Variants in CLNK observed in about 807,000 individuals in gnomAD.
CLNK encodes cytokine-dependent hematopoietic cell linker.
Under a neutral mutation model 68.6 loss-of-function variants are expected in CLNK, and 74 were observed. The observed-to-expected ratio is 1.08, with a 90% CI of 0.89 to 1.31. CLNK has a LOEUF of 1.31. Ranked by LOEUF, CLNK falls within the 50% of genes most tolerant of loss-of-function variation. The pLI is 0.00. For synonymous variants in CLNK, 198 were observed against 172.2 expected, an observed-to-expected ratio of 1.15 and a Z score of -1.17; for missense variants, 553 against 515.3, an observed-to-expected ratio of 1.07 and a Z score of -0.71.
chr4:10,597,403 C>A (rs528560114), intron 3 of CLNK, among the ~76,000 whole-genome samples: 22 of 152,276 alleles, frequency 1.4e-4, no homozygotes, highest in African/African-American at 4.8e-4. Flanking sequence ...GTAATTCGAT[C>A]AAGTTAGCAC....
the CLNK span, among the ~76,000 whole-genome samples, chr4:10,699,147 A>G: frequency 2.1e-5 from 3 of 142,688 alleles, no homozygotes; most frequent in East Asian, 6.5e-4. Flanking sequence ...CTCAGCCTCC[A>G]TGATCGTATG....
At chr4:10,643,905 C>G (rs1723412193) in intron 2 of CLNK, among the ~76,000 whole-genome samples, 1 of 152,200 alleles carries the variant, frequency 6.6e-6, no homozygotes, top group Non-Finnish European at 1.5e-5. Flanking sequence ...AATTCCTTTT[C>G]TCTATTGTGA....
At chr4:10,672,543 T>C (rs762059136) in intron 1 of CLNK, among the ~76,000 whole-genome samples, 2 of 152,184 alleles carry the variant, frequency 1.3e-5, no homozygotes, top group Non-Finnish European at 2.9e-5. Context: ...TTTAAGTGCC[T>C]TAAAGTGGCA....
At chr4:10,596,679 T>C (rs908183875) in intron 3 of CLNK, among the ~76,000 whole-genome samples, 11 of 152,344 alleles carry the variant, frequency 7.2e-5, no homozygotes, top group Admixed American at 6.5e-4. Flanking sequence ...TCTATGTTTT[T>C]TTTTAAATTT....
intron 1 of CLNK, among the ~76,000 whole-genome samples, chr4:10,681,500 T>C (rs1039413335): frequency 6.6e-6 from 1 of 152,228 alleles, no homozygotes; most frequent in Non-Finnish European, 1.5e-5. Flanking sequence ...TCATGTTGTA[T>C]CTAGACCTTT....
At chr4:10,670,972 T>C (rs115369955) in intron 1 of CLNK, among the ~76,000 whole-genome samples, 209 of 152,350 alleles carry the variant, frequency 1.4e-3, no homozygotes, top group Non-Finnish European at 2.1e-3. Flanking sequence ...ATTAGACTTG[T>C]ATTTTGAAAT....
At chr4:10,523,349 A>G (rs575539856) in intron 14 of CLNK, among the ~76,000 whole-genome samples, 22 of 152,272 alleles carry the variant, frequency 1.4e-4, no homozygotes, top group Admixed American at 2.6e-4. Flanking sequence ...CATTAGATAC[A>G]CAGGTCTGGA....
intron 16 of CLNK, among the ~76,000 whole-genome samples, chr4:10,509,887 T>A (rs1717495597): frequency 6.6e-6 from 1 of 151,934 alleles, no homozygotes; most frequent in African/African-American, 2.4e-5. Flanking sequence ...GCTGAAAAGG[T>A]CCATGGCAGA....
intron 3 of CLNK, among the ~76,000 whole-genome samples, chr4:10,585,717 TG>T (rs1230039494): frequency 6.6e-6 from 1 of 152,222 alleles, no homozygotes; most frequent in Non-Finnish European, 1.5e-5. Context: ...CTCAGGTGGC[TG>T]GGGTGGGATG....
At chr4:10,704,121 T>C in the CLNK span, among the ~76,000 whole-genome samples, 2 of 151,750 alleles carry the variant, frequency 1.3e-5, no homozygotes, top group African/African-American at 4.8e-5. Context: ...GCAAGAATGG[T>C]AAGTAGCTAA....
At chr4:10,492,330 GTGGGGGC>G (rs1716615675) in intron 18 of CLNK, among the ~76,000 whole-genome samples, 1 of 152,162 alleles carries the variant, frequency 6.6e-6, no homozygotes, top group African/African-American at 2.4e-5. Flanking sequence ...AGGGAGCCGT[GTGGGGGC>G]TACTCTGCCT....
At chr4:10,693,126 G>A in the CLNK span, among the ~76,000 whole-genome samples, 2 of 152,144 alleles carry the variant, frequency 1.3e-5, no homozygotes, top group African/African-American at 4.8e-5. Flanking sequence ...GTTTTATTTG[G>A]TTATCCTTGA....
At chr4:10,583,578 C>G (rs770485007) in intron 4 of CLNK, among the ~76,000 whole-genome samples, 1 of 152,144 alleles carries the variant, frequency 6.6e-6, no homozygotes, top group African/African-American at 2.4e-5. Context: ...AGTCACCGTG[C>G]CTGGTCTGGG....
chr4:10,666,226 G>T (rs79354705), intron 2 of CLNK, among the ~76,000 whole-genome samples: 33 of 152,318 alleles, frequency 2.2e-4, no homozygotes, highest in Non-Finnish European at 4.1e-4. Flanking sequence ...AACTATCAGT[G>T]AATAGATTCC....
At chr4:10,702,697 G>A in the CLNK span, among the ~76,000 whole-genome samples, 2 of 152,214 alleles carry the variant, frequency 1.3e-5, no homozygotes, top group Admixed American at 6.5e-5. Flanking sequence ...TTGGATAGGA[G>A]TCTGGAATTC....
the CLNK span, among the ~76,000 whole-genome samples, chr4:10,715,176 A>C: frequency 6.6e-6 from 1 of 152,260 alleles, no homozygotes. Context: ...TCTGTAGACC[A>C]GCAGCATTGA....
chr4:10,639,905 C>T (rs572387538), intron 2 of CLNK, among the ~76,000 whole-genome samples: 5 of 152,188 alleles, frequency 3.3e-5, no homozygotes, highest in Non-Finnish European at 5.9e-5. Context: ...TTATTTCTTC[C>T]ATGACGCACA....
At chr4:10,704,904 C>T in the CLNK span, among the ~76,000 whole-genome samples, 1 of 152,232 alleles carries the variant, frequency 6.6e-6, no homozygotes, top group Non-Finnish European at 1.5e-5. Context: ...GGCTTGACTT[C>T]TTCCTCTCTT....
chr4:10,557,953 T>C (rs1166551260), intron 8 of CLNK, among the ~76,000 whole-genome samples: 2 of 152,252 alleles, frequency 1.3e-5, no homozygotes, highest in African/African-American at 4.8e-5. Context: ...CTAGCACTAC[T>C]GAAATTGATT....
Sources: gnomAD v4.1 joint callset for allele counts (sites outside exome capture counted in the v4.1 genomes callset) on GRCh38, gnomAD v4.1.1 for gene constraint, MANE v1.5 for transcripts, NCBI Gene and HGNC (gene_info 2026-07-23, HGNC 2026-07-21) for gene names.